BCL2L1: variants seen among roughly 807,000 people sequenced by gnomAD.
BCL2L1 encodes the protein BCL2 like 1, also known as bcl-2-like protein 1.
Under a neutral mutation model 18.7 loss-of-function variants are expected in BCL2L1, and 1 was observed. The ratio of observed to expected loss-of-function variants is 0.05; its 90% confidence interval spans 0.02 to 0.25. The LOEUF (loss-of-function observed/expected upper bound fraction) is 0.25, where lower values mean the gene tolerates loss of function less well. Among genes scored for constraint, BCL2L1 ranks in the 10% least tolerant of loss-of-function variants. The pLI is 1.00. For synonymous variants in BCL2L1, 103 were observed against 122.7 expected (o/e 0.84, Z 1.06); for missense variants, 207 against 304.9 (o/e 0.68, Z 2.39).
intron 2 of BCL2L1, among the ~76,000 whole-genome samples, chr20:31,677,869 GC>G (rs1451934789): frequency 6.6e-6 from 1 of 152,178 alleles, no homozygotes; most frequent in Non-Finnish European, 1.5e-5. Flanking sequence ...CCTAGGCCTT[GC>G]CCAGTGCTGG....
At chr20:31,699,925 C>A (rs1309101067) in intron 2 of BCL2L1, among the ~76,000 whole-genome samples, 1 of 152,144 alleles carries the variant, frequency 6.6e-6, no homozygotes, top group Non-Finnish European at 1.5e-5. Context: ...TGAAAGATCA[C>A]CTCCATCTAT....
chr20:31,674,503 C>G (rs2060724829), intron 2 of BCL2L1, among the ~76,000 whole-genome samples: 1 of 152,166 alleles, frequency 6.6e-6, no homozygotes, highest in South Asian at 2.1e-4. Flanking sequence ...CCATGTACTT[C>G]TGTGGCTGAG....
intron 2 of BCL2L1, among the ~76,000 whole-genome samples, chr20:31,703,512 A>C (rs1304941555): frequency 2.1e-5 from 3 of 142,382 alleles, no homozygotes; most frequent in Non-Finnish European, 4.5e-5. Context: ...TTTTTTTGAG[A>C]CAAGAGTCTC....
intron 2 of BCL2L1, among the ~76,000 whole-genome samples, chr20:31,691,312 G>A (rs1350452340): frequency 6.6e-6 from 1 of 151,108 alleles, no homozygotes; most frequent in Non-Finnish European, 1.5e-5. Flanking sequence ...TCAGGAGTTG[G>A]AGACCAGCCT....
chr20:31,709,840 CAAAAAAAAAAAAAA>C lies in BCL2L1; in HGVS notation c.564+11801_564+11814del, dbSNP rs56937786. On this transcript the variant is annotated intron_variant, in intron 2 of 2. Transcript: ENST00000307677. ...ACTGAGCAAGAGCAAGACTCCATCT[CAAAAAAAAAAAAAA>C]AAAAAAAAAAAAGAAGAGACAAGGT... is the stretch of plus-strand genomic sequence containing the variant. Among the ~76,000 whole-genome samples, 8 of 64,072 alleles carry C rather than the reference CAAAAAAAAAAAAAA, an allele frequency of 1.2e-4. 1 individual carries two copies. In the East Asian group the frequency reaches 0.016, roughly 130 times the overall value. 42.0% of individuals were successfully genotyped at this position (64,072 alleles called of 152,430 possible).
At position 31,664,657 on chromosome 20, in the gene BCL2L1, C is replaced by T. The variant is rs554667741; in HGVS notation, c.*1292G>A. On this transcript the variant is annotated 3_prime_UTR_variant, in exon 3 of 3. Coordinates refer to ENST00000307677, the MANE Select transcript of BCL2L1 (RefSeq NM_138578.3). The stretch of plus-strand genomic sequence containing the variant: ...CCAATCTCCGGGCACCAGCTCTCCA[C>T]GTGCACGCGCACTGCAAGCCAGCAG... The T allele has an allele frequency of 2.6e-4, 56 of 214,770 alleles. No individual in the cohort carries two copies. The highest frequency in any genetic ancestry group is 9.3e-4 in the African/African-American group (41 of 44,294). 13.3% of individuals were successfully genotyped at this position (214,770 alleles called of 1,614,324 possible).
chr20:31,712,774 A>G (rs930773367), intron 2 of BCL2L1, among the ~76,000 whole-genome samples: 19 of 152,146 alleles, frequency 1.2e-4, no homozygotes, highest in African/African-American at 4.6e-4. Flanking sequence ...GCACGTGTGT[A>G]TGTGTGTGTG....
In BCL2L1 at chr20:31,665,899, G is replaced by C. The variant is rs1204774379; in HGVS notation, c.*50C>G. On this transcript the variant is annotated 3_prime_UTR_variant, in exon 3 of 3. Transcript: ENST00000307677. ...GCAATGGCGGCTGGACGGAGGATGTGGTGGAGCAGAGAAGGGGGTGGGAGG... is the reference window on the plus strand; with the variant it reads ...GCAATGGCGGCTGGACGGAGGATGTCGTGGAGCAGAGAAGGGGGTGGGAGG... 4 of 1,599,212 alleles carry C rather than the reference G, an allele frequency of 2.5e-6. No individual in the cohort carries two copies. In the East Asian group the frequency reaches 6.7e-5, roughly 27 times the overall value.
chr20:31,679,274 C>G (rs1473997224), intron 2 of BCL2L1, among the ~76,000 whole-genome samples: 1 of 152,140 alleles, frequency 6.6e-6, no homozygotes, highest in Non-Finnish European at 1.5e-5. Context: ...CACCAGGAGG[C>G]CTGGAAGCAA....
At chr20:31,696,323 C>A (rs2061169211) in intron 2 of BCL2L1, among the ~76,000 whole-genome samples, 1 of 152,164 alleles carries the variant, frequency 6.6e-6, no homozygotes, top group Non-Finnish European at 1.5e-5. Flanking sequence ...GCCCTGATGA[C>A]CTTTGGTACC....
At chr20:31,698,335 C>T (rs2061217239) in intron 2 of BCL2L1, among the ~76,000 whole-genome samples, 1 of 152,100 alleles carries the variant, frequency 6.6e-6, no homozygotes, top group African/African-American at 2.4e-5. Context: ...CATGAACTCC[C>T]AGGCTCAAGT....
At chr20:31,674,778 A>G (rs2060730519) in intron 2 of BCL2L1, among the ~76,000 whole-genome samples, 1 of 150,140 alleles carries the variant, frequency 6.7e-6, no homozygotes, top group Non-Finnish European at 1.5e-5. Context: ...AGGAGACTGA[A>G]GTGGGAGAAT....
At chr20:31,678,247 C>A (rs564494867) in intron 2 of BCL2L1, among the ~76,000 whole-genome samples, 1 of 152,300 alleles carries the variant, frequency 6.6e-6, no homozygotes, top group East Asian at 1.9e-4. Flanking sequence ...AAAGCTATGG[C>A]GACTCCCTTG....
rs1296619967 is a variant in BCL2L1, at chr20:31,689,860, AC to A, written c.565-23775del. On this transcript the variant is annotated intron_variant, in intron 2 of 2. Transcript: ENST00000307677. Reference sequence around the variant, plus strand: ...GAGAAATCCTGTCTCTGCTAAAAATACAAAAAATTAGCTGGGTGTGGTGGCA... The same window carrying A: ...GAGAAATCCTGTCTCTGCTAAAAATAAAAAAATTAGCTGGGTGTGGTGGCA... 2.6e-5 allele frequency among the ~76,000 whole-genome samples: 4 copies of A among 152,196 alleles called. No individual in the cohort carries two copies. In the South Asian group the frequency reaches 6.2e-4, roughly 24 times the overall value.
intron 2 of BCL2L1, among the ~76,000 whole-genome samples, chr20:31,718,130 C>CTATCAT (rs2122835996): frequency 6.6e-6 from 1 of 152,310 alleles, no homozygotes; most frequent in South Asian, 2.1e-4. Flanking sequence ...TGGCAGCTGG[C>CTATCAT]TATCATTATT....
intron 2 of BCL2L1, among the ~76,000 whole-genome samples, chr20:31,709,116 T>C (rs1416544916): frequency 1.3e-5 from 2 of 152,288 alleles, no homozygotes; most frequent in East Asian, 1.9e-4. Flanking sequence ...CTCTCCCCAT[T>C]AGGCCCACCT....
In BCL2L1 at chr20:31,680,489, C is replaced by G. The variant is rs147886400; in HGVS notation, c.565-14403G>C. Among the ~76,000 whole-genome samples, 217 of 152,272 alleles carry G rather than the reference C, an allele frequency of 1.4e-3. 2 individuals are homozygous for G. The highest frequency in any genetic ancestry group is 2.9e-3 in the Non-Finnish European group (194 of 68,024). On this transcript the variant is annotated intron_variant, in intron 2 of 2. Coordinates refer to ENST00000307677, the MANE Select transcript of BCL2L1 (RefSeq NM_138578.3). ...GCCAGATCTGCAAGGACAGTACTTG[C>G]AGAGAGAGTTCCTCCCTCTGTCTGA...
At chr20:31,720,913 C>T in intron 2 of BCL2L1, 1 of 985,454 alleles carries the variant, frequency 1.0e-6, no homozygotes, top group Non-Finnish European at 1.2e-6. Context: ...AGCTCCCCAA[C>T]CGACCCCAGG....
chr20:31,691,545 TAAAA>T (rs1436593574), intron 2 of BCL2L1, among the ~76,000 whole-genome samples: 1 of 150,342 alleles, frequency 6.7e-6, no homozygotes, highest in Admixed American at 6.6e-5. Context: ...TAAAATAAAA[TAAAA>T]TAAAATAAAA....
Sources: gnomAD v4.1 joint callset for allele counts (sites outside exome capture counted in the v4.1 genomes callset) on GRCh38, gnomAD v4.1.1 for gene constraint, MANE v1.5 for transcripts, NCBI Gene and HGNC (gene_info 2026-07-23, HGNC 2026-07-21) for gene names.